Variants in DLG2 observed in about 807,000 individuals in gnomAD.
DLG2 encodes the protein discs large MAGUK scaffold protein 2.
In DLG2, 45 loss-of-function variants were observed where a neutral mutation model predicts 132.5. The observed-to-expected ratio is 0.34, with a 90% CI of 0.27 to 0.44. DLG2 has a LOEUF of 0.44. Among genes scored for constraint, DLG2 ranks in the 20% least tolerant of loss-of-function variants. The pLI is 1.00. For missense variants in DLG2, 1,045 were observed against 1,196.9 expected (o/e 0.87, Z 1.87); for synonymous variants, 424 against 419.6 (o/e 1.01, Z -0.13).
At position 85,320,905 on chromosome 11, in the gene DLG2, AT is replaced by A. The variant is rs148389578; in HGVS notation, c.41-35541del. 8.3e-4 allele frequency among the ~76,000 whole-genome samples: 125 copies of A among 150,046 alleles called. 2 individuals are homozygous for A. In the East Asian group the frequency reaches 0.019, roughly 22 times the overall value. On this transcript the variant is annotated intron_variant, in intron 3 of 27. Transcript: ENST00000376104. ...GGTGGCTTATTGTTTAGACCTTTGG[AT>A]TTTTTTTTTCAGTAAGGAAAATCAA...
At chr11:84,750,489 C>T (rs893993109) in intron 6 of DLG2, among the ~76,000 whole-genome samples, 1 of 151,878 alleles carries the variant, frequency 6.6e-6, no homozygotes, top group African/African-American at 2.4e-5. Context: ...AAAGAAAAAT[C>T]TTTGTTTAAA....
chr11:84,544,342 A>T (rs942917383), intron 6 of DLG2, among the ~76,000 whole-genome samples: 4 of 152,252 alleles, frequency 2.6e-5, no homozygotes, highest in African/African-American at 4.8e-5. Context: ...ATTTTGTAAG[A>T]TGCCACACAT....
chr11:85,177,034 G>C (rs1488041464), intron 4 of DLG2, among the ~76,000 whole-genome samples: 10 of 152,066 alleles, frequency 6.6e-5, no homozygotes, highest in Admixed American at 6.6e-4. Flanking sequence ...AACCATTGTG[G>C]AAGACAGTGC....
intron 4 of DLG2, among the ~76,000 whole-genome samples, chr11:85,192,314 C>G (rs2080654026): frequency 6.6e-6 from 1 of 152,216 alleles, no homozygotes; most frequent in Non-Finnish European, 1.5e-5. Context: ...TTATCATTAT[C>G]ATTACAATCT....
At position 83,673,658 on chromosome 11, in the gene DLG2, C is replaced by T. The variant is rs1244698858; in HGVS notation, c.1826-40333G>A. ...TACATCTTCATATTCACCATGCCAG[C>T]ACCTAATACAGTGTCTTGAACATTG... On this transcript the variant is annotated intron_variant, in intron 18 of 27. Transcript: ENST00000376104. Among the ~76,000 whole-genome samples, 3 of 152,314 alleles carry T rather than the reference C, an allele frequency of 2.0e-5. No homozygotes were observed. In the South Asian group the frequency reaches 6.2e-4, roughly 32 times the overall value.
rs149724348 is a variant in DLG2 at position 84,316,214 on chromosome 11, T to C, written c.520-64923A>G. ...ATAGATGTTGATATAAACTTATTGC[T>C]TCTCCATGAATAAATTAAGTGCTTA... On this transcript the variant is annotated intron_variant, in intron 7 of 27. Transcript: ENST00000376104. 9.9e-3 allele frequency among the ~76,000 whole-genome samples: 1,511 copies of C among 152,336 alleles called. 7 individuals are homozygous for C. Among genetic ancestry groups the C allele is most frequent in the Admixed American group, 0.015 (236 of 15,300 alleles).
intron 21 of DLG2, among the ~76,000 whole-genome samples, chr11:83,514,660 G>A (rs890060710): frequency 6.6e-6 from 1 of 152,188 alleles, no homozygotes; most frequent in Non-Finnish European, 1.5e-5. Flanking sequence ...GATATTGGCT[G>A]TGAGTTTGTC....
intron 7 of DLG2, among the ~76,000 whole-genome samples, chr11:84,302,898 C>A (rs2098171857): frequency 6.6e-6 from 1 of 151,822 alleles, no homozygotes; most frequent in South Asian, 2.1e-4. Flanking sequence ...ACCAGCTTGG[C>A]CAACGTGGTC....
intron 18 of DLG2, among the ~76,000 whole-genome samples, chr11:83,724,476 T>TGTGTGA (rs762050933): frequency 7.8e-4 from 92 of 118,218 alleles, no homozygotes; most frequent in East Asian, 2.7e-3. Context: ...TGTGTGTGTG[T>TGTGTGA]GAGAGAGAGA....
chr11:85,416,955 C>A (rs913736346), intron 3 of DLG2, among the ~76,000 whole-genome samples: 1 of 152,094 alleles, frequency 6.6e-6, no homozygotes, highest in African/African-American at 2.4e-5. Flanking sequence ...GCCTGATTGC[C>A]CTGGCCAGAA....
At chr11:84,744,942 A>G (rs912230387) in intron 6 of DLG2, among the ~76,000 whole-genome samples, 38 of 151,198 alleles carry the variant, frequency 2.5e-4, no homozygotes, top group Non-Finnish European at 2.9e-5. Flanking sequence ...AATCACCTCC[A>G]TAAAACACAC....
chr11:85,295,019 A>T (rs2079131167), intron 3 of DLG2, among the ~76,000 whole-genome samples: 1 of 152,154 alleles, frequency 6.6e-6, no homozygotes, highest in Non-Finnish European at 1.5e-5. Context: ...AAAAGCAGGC[A>T]CTAAATAAAC....
chr11:84,973,385 A>G (rs1401768553), intron 6 of DLG2, among the ~76,000 whole-genome samples: 1 of 152,148 alleles, frequency 6.6e-6, no homozygotes, highest in African/African-American at 2.4e-5. Context: ...CATGCAGCAA[A>G]TGGCTTCTTA....
intron 16 of DLG2, among the ~76,000 whole-genome samples, chr11:83,840,683 A>C (rs2057341771): frequency 1.3e-5 from 2 of 152,242 alleles, no homozygotes; most frequent in South Asian, 4.1e-4. Flanking sequence ...TTCAAATATG[A>C]CAATGGTTAA....
chr11:83,742,307 G>A (rs1258876055), intron 18 of DLG2, among the ~76,000 whole-genome samples: 1 of 150,698 alleles, frequency 6.6e-6, no homozygotes, highest in Non-Finnish European at 1.5e-5. Flanking sequence ...TCATAACTAT[G>A]TATATGAAAT....
intron 3 of DLG2, among the ~76,000 whole-genome samples, chr11:85,506,256 A>G (rs2093930571): frequency 6.6e-6 from 1 of 152,166 alleles, no homozygotes; most frequent in Admixed American, 6.5e-5. Context: ...GGCTTCTGCT[A>G]GCTTTTGAAT....
chr11:85,319,740 C>A (rs1409126667), intron 3 of DLG2, among the ~76,000 whole-genome samples: 1 of 151,782 alleles, frequency 6.6e-6, no homozygotes, highest in Admixed American at 6.6e-5. Context: ...TGTGCATTAA[C>A]ATATTCAACA....
chr11:84,466,276 C>A (rs1486606315), intron 7 of DLG2, among the ~76,000 whole-genome samples: 1 of 151,016 alleles, frequency 6.6e-6, no homozygotes, highest in Non-Finnish European at 1.5e-5. Flanking sequence ...TTTCTAATAA[C>A]CTAAGAGAAA....
chr11:84,362,094 T>C (rs1214465414), intron 7 of DLG2, among the ~76,000 whole-genome samples: 1 of 151,844 alleles, frequency 6.6e-6, no homozygotes, highest in Non-Finnish European at 1.5e-5. Flanking sequence ...AATTAAAAGG[T>C]AGAGATTGAT....
Sources: gnomAD v4.1 joint callset for allele counts (sites outside exome capture counted in the v4.1 genomes callset) on GRCh38, gnomAD v4.1.1 for gene constraint, MANE v1.5 for transcripts, NCBI Gene and HGNC (gene_info 2026-07-23, HGNC 2026-07-21) for gene names.